The following PDE10A variants were observed in gnomAD, a reference collection of about 807,000 sequenced individuals.
The protein encoded by PDE10A is cAMP and cAMP-inhibited cGMP 3',5'-cyclic phosphodiesterase 10A.
A neutral mutation model predicts 97.7 loss-of-function variants in PDE10A; 39 were observed. The observed-to-expected ratio is 0.40, with a 90% CI of 0.31 to 0.52. The LOEUF (loss-of-function observed/expected upper bound fraction) is 0.52, where lower values mean the gene tolerates loss of function less well. Among genes scored for constraint, PDE10A ranks in the 20% least tolerant of loss-of-function variants. The pLI is 0.56. For synonymous variants in PDE10A, 371 were observed against 376.8 expected (o/e 0.98, Z 0.18); for missense variants, 731 against 1,047.8 (o/e 0.70, Z 4.17).
intron 2 of PDE10A, among the ~76,000 whole-genome samples, chr6:165,510,549 G>A (rs1448435133): frequency 6.6e-6 from 1 of 151,986 alleles, no homozygotes; most frequent in Non-Finnish European, 1.5e-5. Context: ...TGGCCTTGTA[G>A]AATGAGTTGG....
rs991834187 is a variant in PDE10A at position 165,331,507 on chromosome 6, A to C, written c.*1518T>G. The C allele has an allele frequency of 7.9e-5, 12 of 152,168 alleles. No individual in the cohort carries two copies. Among genetic ancestry groups the C allele is most frequent in the Non-Finnish European group, 1.5e-4 (10 of 68,032 alleles). The allele number at this position is 152,168 out of a possible 1,614,324, so 9.4% of individuals were successfully genotyped here. A position where few individuals can be genotyped will look rare whatever the true frequency, so the allele number is the denominator to read the frequency against. On this transcript the variant is annotated 3_prime_UTR_variant, in exon 22 of 22. Coordinates refer to ENST00000539869, the MANE Select transcript of PDE10A (RefSeq NM_001385079.1). Reference sequence around the variant, plus strand: ...ATGAACAAAACGCCTATGGTGGTAAATATGTAGAAGCATATTTTTCCATTT... The same window carrying C: ...ATGAACAAAACGCCTATGGTGGTAACTATGTAGAAGCATATTTTTCCATTT...
rs57134252 is a variant in PDE10A, at chr6:165,548,276, C to CTT, written c.866-4710_866-4709dup. Among the ~76,000 whole-genome samples the CTT allele has an allele frequency of 4.9e-3, 515 of 105,582 alleles. 12 individuals carry two copies. Among genetic ancestry groups the CTT allele is most frequent in the East Asian group, 0.014 (46 of 3,380 alleles). The allele number at this position is 105,582 out of a possible 152,430, so 69.3% of individuals were successfully genotyped here. A position where few individuals can be genotyped will look rare whatever the true frequency, so the allele number is the denominator to read the frequency against. On this transcript the variant is annotated intron_variant, in intron 1 of 21. Transcript: ENST00000539869. ...TCAAAAATATCCAGGCTTTAAATCT[C>CTT]TTTTTTTTTTTTTTTTTTTTTTTTT...
chr6:165,484,874 G>A (rs1197843254), intron 2 of PDE10A, among the ~76,000 whole-genome samples: 1 of 151,974 alleles, frequency 6.6e-6, no homozygotes, highest in African/African-American at 2.4e-5. Context: ...ACTTGTCTCA[G>A]TCACAGTTTT....
intron 1 of PDE10A, among the ~76,000 whole-genome samples, chr6:165,946,615 A>G (rs780942332): frequency 3.5e-4 from 53 of 152,196 alleles, no homozygotes; most frequent in South Asian, 8.3e-4. Flanking sequence ...GCAGTTATGT[A>G]TATGTTAGTT....
At chr6:165,617,153 G>A (rs773483511) in intron 1 of PDE10A, among the ~76,000 whole-genome samples, 4 of 152,156 alleles carry the variant, frequency 2.6e-5, no homozygotes, top group Non-Finnish European at 5.9e-5. Context: ...TGGGACAAGA[G>A]TAAGTACAAA....
chr6:165,502,830 A>G (rs886265417), intron 2 of PDE10A, among the ~76,000 whole-genome samples: 5 of 152,206 alleles, frequency 3.3e-5, no homozygotes, highest in African/African-American at 1.2e-4. Context: ...GTTGCCAGGA[A>G]CTAGAGGAGG....
intron 1 of PDE10A, among the ~76,000 whole-genome samples, chr6:165,805,055 A>AGCATGGAGGGACATGGGGC (rs1350799849): frequency 1.8e-4 from 22 of 124,318 alleles, no homozygotes; most frequent in Admixed American, 1.3e-3. Flanking sequence ...CACGGAGAGG[A>AGCATGGAGGGACATGGGGC]GCATGGAGGG....
At chr6:165,898,332 G>A (rs545708920) in intron 1 of PDE10A, among the ~76,000 whole-genome samples, 6 of 152,200 alleles carry the variant, frequency 3.9e-5, no homozygotes, top group Admixed American at 6.5e-5. Flanking sequence ...ACCGCACAAC[G>A]CAGCACCTGG....
intron 1 of PDE10A, among the ~76,000 whole-genome samples, chr6:165,701,297 C>A (rs142374497): frequency 6.6e-6 from 1 of 152,274 alleles, no homozygotes; most frequent in Non-Finnish European, 1.5e-5. Context: ...ATTACACAAG[C>A]ATATATGTTT....
At chr6:165,619,459 G>C (rs199567060) in intron 1 of PDE10A, among the ~76,000 whole-genome samples, 8 of 17,488 alleles carry the variant, frequency 4.6e-4, no homozygotes, top group Admixed American at 7.1e-4. Context: ...CTAGTGTAGT[G>C]TAGTCTAGTG....
At chr6:165,813,735 A>G (rs1779338655) in intron 1 of PDE10A, among the ~76,000 whole-genome samples, 1 of 152,080 alleles carries the variant, frequency 6.6e-6, no homozygotes, top group Non-Finnish European at 1.5e-5. Flanking sequence ...AAAGTCAAAG[A>G]CCTAAGAGAA....
intron 2 of PDE10A, among the ~76,000 whole-genome samples, chr6:165,506,020 T>C (rs758201571): frequency 1.4e-4 from 21 of 152,316 alleles, no homozygotes; most frequent in Admixed American, 4.6e-4. Context: ...AACTCTACAC[T>C]GCCTCCACTC....
Position 165,492,168 on chromosome 6 carries a change from G to A in PDE10A, c.995-9825C>T, listed in dbSNP as rs551977712. 2.0e-5 allele frequency among the ~76,000 whole-genome samples: 3 copies of A among 152,084 alleles called. No individual in the cohort carries two copies. The East Asian group carries it at 5.8e-4, about 29-fold the overall frequency. On this transcript the variant is annotated intron_variant, in intron 2 of 21. Transcript: ENST00000539869. ...TCTAAGATAAAACCAGGAATAAACA[G>A]AAACTCTGAACAGACTAATAACAAG...
intron 1 of PDE10A, among the ~76,000 whole-genome samples, chr6:165,586,813 A>G (rs768399063): frequency 3.0e-4 from 45 of 152,210 alleles, no homozygotes; most frequent in Non-Finnish European, 5.4e-4. Context: ...TTGGAAGCCA[A>G]CATCTAGAAC....
chr6:165,344,700 C>T (rs1438807410), intron 18 of PDE10A, among the ~76,000 whole-genome samples: 1 of 152,156 alleles, frequency 6.6e-6, no homozygotes, highest in African/African-American at 2.4e-5. Context: ...CTTATGATAC[C>T]ATCGATCACA....
chr6:165,640,854 G>A (rs1789095156), intron 1 of PDE10A, among the ~76,000 whole-genome samples: 1 of 152,232 alleles, frequency 6.6e-6, no homozygotes, highest in African/African-American at 2.4e-5. Context: ...TAAGAAGTAT[G>A]ATAATTTTGC....
intron 2 of PDE10A, among the ~76,000 whole-genome samples, chr6:165,482,764 TG>T (rs771511540): frequency 3.2e-4 from 49 of 152,174 alleles, no homozygotes; most frequent in Non-Finnish European, 6.3e-4. Context: ...GGAGCTGGTG[TG>T]AGCTGTTCTG....
intron 1 of PDE10A, among the ~76,000 whole-genome samples, chr6:165,683,239 A>G (rs1231021308): frequency 6.6e-6 from 1 of 152,202 alleles, no homozygotes; most frequent in Admixed American, 6.5e-5. Context: ...GGATGCATTG[A>G]ATAACAGCAT....
intron 13 of PDE10A, 37 bp from the exon 14 acceptor site, chr6:165,396,496 A>G: frequency 6.4e-7 from 1 of 1,571,974 alleles, no homozygotes; most frequent in Non-Finnish European, 8.6e-7. Context: ...CCCCAAAATT[A>G]AAAGAATATT....
Sources: allele counts gnomAD v4.1 joint callset (sites outside exome capture counted in the v4.1 genomes callset), GRCh38; gene constraint gnomAD v4.1.1; transcripts MANE v1.5; gene names NCBI Gene and HGNC (gene_info 2026-07-23, HGNC 2026-07-21).